Variants in TPO observed in about 807,000 individuals in gnomAD.
TPO encodes the protein thyroid peroxidase, also known as thyroid microsomal antigen.
A neutral mutation model predicts 96.9 loss-of-function variants in TPO; 78 were observed. That is an observed-to-expected ratio of 0.81 (90% CI 0.67 to 0.97). The LOEUF (loss-of-function observed/expected upper bound fraction) is 0.97, where lower values mean the gene tolerates loss of function less well. Among genes scored for constraint, TPO ranks in the 50% least tolerant of loss-of-function variants. The pLI, the probability that TPO is intolerant of heterozygous loss-of-function variation, is 0.00. For missense variants in TPO, 1,252 were observed against 1,274.8 expected, an observed-to-expected ratio of 0.98 and a Z score of 0.27; for synonymous variants, 547 against 538.0, an observed-to-expected ratio of 1.02 and a Z score of -0.23.
chr2:1,440,139 C>T (rs1210388196), intron 5 of TPO, among the ~76,000 whole-genome samples: 1 of 151,866 alleles, frequency 6.6e-6, no homozygotes, highest in African/African-American at 2.4e-5. Context: ...TTCCACTGTG[C>T]TGCGTTTCCA....
chr2:1,410,445 T>A (rs1036189993), upstream of TPO, among the ~76,000 whole-genome samples: 1 of 152,204 alleles, frequency 6.6e-6, no homozygotes, highest in Non-Finnish European at 1.5e-5. Flanking sequence ...CAAGGGCCTA[T>A]TACAGGTGGT....
At chr2:1,440,782 T>G (rs1006712912) in intron 5 of TPO, among the ~76,000 whole-genome samples, 2 of 151,708 alleles carry the variant, frequency 1.3e-5, no homozygotes, top group Non-Finnish European at 2.9e-5. Flanking sequence ...TGTAAGTGAA[T>G]GGAGCAGGCT....
chr2:1,422,309 C>CCTGGACAGACTTCGTGCAGGTGCCGCG (rs1663670326), intron 2 of TPO, among the ~76,000 whole-genome samples: 1 of 105,778 alleles, frequency 9.5e-6, no homozygotes, highest in South Asian at 3.7e-4. Flanking sequence ...AGGCGCCTCT[C>CCTGGACAGACTTCGTGCAGGTGCCGCG]CTGGACAGAC....
upstream of TPO, among the ~76,000 whole-genome samples, chr2:1,412,118 G>C (rs528567549): frequency 6.6e-6 from 1 of 152,314 alleles, no homozygotes; most frequent in African/African-American, 2.4e-5. Flanking sequence ...ATGCCCAAGA[G>C]CTCACTGCCC....
chr2:1,476,001 C>T (rs1054447391), intron 7 of TPO, among the ~76,000 whole-genome samples: 10 of 152,318 alleles, frequency 6.6e-5, no homozygotes, highest in African/African-American at 2.4e-4. Flanking sequence ...CGGCCTGTCT[C>T]CCTGCACCGC....
chr2:1,480,773 C>CCTT (rs1553316739), intron 8 of TPO, among the ~76,000 whole-genome samples: 1 of 93,944 alleles, frequency 1.1e-5, no homozygotes, highest in African/African-American at 3.8e-5. Context: ...CCTCCCTCCT[C>CCTT]CTGCATCCGT....
chr2:1,512,988 AC>A (rs1183461911), intron 14 of TPO, among the ~76,000 whole-genome samples: 5 of 152,216 alleles, frequency 3.3e-5, no homozygotes, highest in African/African-American at 9.6e-5. Flanking sequence ...CACGGAGGCC[AC>A]ACACGTCCCT....
intron 5 of TPO, among the ~76,000 whole-genome samples, chr2:1,449,530 T>A (rs1446171576): frequency 6.6e-6 from 1 of 152,224 alleles, no homozygotes; most frequent in African/African-American, 2.4e-5. Flanking sequence ...GTTCAATTGC[T>A]CAAAACAGTT....
At chr2:1,476,186 G>A (rs554213681) in intron 7 of TPO, among the ~76,000 whole-genome samples, 3 of 152,302 alleles carry the variant, frequency 2.0e-5, no homozygotes, top group East Asian at 3.9e-4. Context: ...CGAGAAGACC[G>A]TGATCTTCAG....
intron 12 of TPO, among the ~76,000 whole-genome samples, 171 bp from the exon 13 acceptor site, chr2:1,496,424 C>T (rs1194936840): frequency 6.6e-6 from 1 of 152,196 alleles, no homozygotes; most frequent in Non-Finnish European, 1.5e-5. Context: ...GGGGCCCGAT[C>T]TGGGAAGAGG....
At position 1,511,244 on chromosome 2, in the gene TPO, G is replaced by A. The variant is rs867203200; in HGVS notation, c.2519-5639G>A. On this transcript the variant is annotated intron_variant, in intron 14 of 16. Transcript: ENST00000329066. The stretch of plus-strand genomic sequence containing the variant: ...GCCACAGCAAAGCCCTGCAGACTGG[G>A]GGTGCCACAGCGCAGCCCTGCAGAC... Among the ~76,000 whole-genome samples the A allele has an allele frequency of 4.7e-5, 7 of 149,020 alleles. No individual in the cohort carries two copies. The South Asian group carries it at 1.3e-3, about 28-fold the overall frequency.
intron 1 of TPO, among the ~76,000 whole-genome samples, chr2:1,391,582 T>C (rs1558244479): frequency 2.0e-5 from 3 of 152,210 alleles, no homozygotes; most frequent in African/African-American, 4.8e-5. Context: ...GGGGATGGCA[T>C]TGAATCTATA....
In TPO at chr2:1,524,981, G is replaced by A; in HGVS notation, c.2618+7999G>A. Among the ~76,000 whole-genome samples the A allele has an allele frequency of 2.0e-5, 2 of 101,710 alleles. 1 individual carries two copies. The highest frequency in any genetic ancestry group is 6.3e-4 in the South Asian group (2 of 3,174). 66.7% of individuals were successfully genotyped at this position (101,710 alleles called of 152,430 possible). On this transcript the variant is annotated intron_variant, in intron 15 of 16. Transcript: ENST00000329066. The stretch of plus-strand genomic sequence containing the variant: ...ACCTCCCCAAATCCCCCCAGTGTGT[G>A]CAACCTCCCCAAATCCACCCAACTC...
intron 15 of TPO, among the ~76,000 whole-genome samples, chr2:1,538,659 C>T (rs1680360478): frequency 6.6e-6 from 1 of 152,146 alleles, no homozygotes; most frequent in Admixed American, 6.5e-5. Context: ...GACATGGTTG[C>T]TTCAGGTGGC....
rs960607687 is a variant in TPO, at chr2:1,477,127, G to A, written c.861G>A (p.Leu287=). 1 of 1,609,654 alleles carries A rather than the reference G, an allele frequency of 6.2e-7. No individual in the cohort carries two copies. Residue 287 remains leucine (L), a synonymous_variant, in exon 8 of 17, where the codon CTG becomes CTA. Transcript: ENST00000329066. ...EARPAAGTAC[L]PFYRSSAACG... is the part of the protein sequence containing the mutation. ...GGCCGGCCGCGGGCACCGCCTGTCT[G>A]CCCTTCTACCGCTCTTCGGCCGCCT...
chr2:1,450,206 G>A (rs563648765), intron 5 of TPO, among the ~76,000 whole-genome samples: 5 of 152,330 alleles, frequency 3.3e-5, no homozygotes, highest in Admixed American at 1.3e-4. Context: ...GGCACTCAGC[G>A]TGTCCATGTG....
intron 5 of TPO, chr2:1,438,743 G>T (rs1665854921): frequency 1.4e-6 from 1 of 699,978 alleles, no homozygotes; most frequent in East Asian, 2.7e-5. Context: ...TCTAAATCTT[G>T]CTTGATTTGC....
chr2:1,525,208 A>G (rs1676159239), intron 15 of TPO, among the ~76,000 whole-genome samples: 1 of 106,840 alleles, frequency 9.4e-6, no homozygotes, highest in African/African-American at 3.6e-5. Context: ...CCACTGTGCA[A>G]CCTGCTCAAA....
At chr2:1,392,407 A>G (rs896465772) in intron 1 of TPO, among the ~76,000 whole-genome samples, 6 of 152,198 alleles carry the variant, frequency 3.9e-5, no homozygotes, top group Non-Finnish European at 8.8e-5. Context: ...TTGGTTTGCC[A>G]GTATTTTATT....
Sources: allele counts gnomAD v4.1 joint callset (sites outside exome capture counted in the v4.1 genomes callset), GRCh38; gene constraint gnomAD v4.1.1; transcripts MANE v1.5; gene names NCBI Gene and HGNC (gene_info 2026-07-23, HGNC 2026-07-21).